The following PBX1 variants were observed in gnomAD, a reference collection of about 807,000 sequenced individuals.
The protein encoded by PBX1 is pre-B-cell leukemia transcription factor 1.
PBX1 carries 6 observed loss-of-function variants against 53.4 expected under a neutral mutation model. The observed-to-expected ratio is 0.11, with a 90% CI of 0.06 to 0.22. The LOEUF is 0.22. PBX1 is among the 10% of genes least tolerant of loss of function. The probability of loss-of-function intolerance (pLI) is 1.00; values close to 1 mark genes in which losing one functional copy is unlikely to be tolerated. For missense variants in PBX1, 251 were observed against 551.4 expected, an observed-to-expected ratio of 0.46 and a Z score of 5.46; for synonymous variants, 204 against 212.3, an observed-to-expected ratio of 0.96 and a Z score of 0.34.
chr1:164,618,904 T>C (rs1657484037), intron 2 of PBX1, among the ~76,000 whole-genome samples: 1 of 152,222 alleles, frequency 6.6e-6, no homozygotes, highest in Non-Finnish European at 1.5e-5. Flanking sequence ...TACCTAATTA[T>C]GAATATTGAA....
intron 2 of PBX1, among the ~76,000 whole-genome samples, chr1:164,778,076 G>C (rs542236773): frequency 2.6e-5 from 4 of 152,090 alleles, no homozygotes; most frequent in Non-Finnish European, 5.9e-5. Flanking sequence ...TAGGGAGGTG[G>C]CCCCATAATT....
intron 2 of PBX1, among the ~76,000 whole-genome samples, chr1:164,743,560 T>C (rs1346574014): frequency 6.6e-6 from 1 of 152,176 alleles, no homozygotes; most frequent in Non-Finnish European, 1.5e-5. Flanking sequence ...GTTTCCAAAA[T>C]TGATGCTAAG....
In PBX1 at chr1:164,712,926, C is replaced by T. The variant is rs144322003; in HGVS notation, c.266-79568C>T. 3.7e-3 allele frequency among the ~76,000 whole-genome samples: 557 copies of T among 152,298 alleles called. 5 individuals carry two copies. The highest frequency in any genetic ancestry group is 4.8e-3 in the Non-Finnish European group (325 of 68,036). On this transcript the variant is annotated intron_variant, in intron 2 of 8. Coordinates refer to ENST00000420696, the MANE Select transcript of PBX1 (RefSeq NM_002585.4). Reference sequence around the variant, plus strand: ...TCTGTCTAAATCCATTTTGCCTGGACGACGACTTCATGGCATCCCTCCAGA... The same window carrying T: ...TCTGTCTAAATCCATTTTGCCTGGATGACGACTTCATGGCATCCCTCCAGA...
At chr1:164,572,965 C>T (rs1653974862) in intron 2 of PBX1, among the ~76,000 whole-genome samples, 2 of 152,160 alleles carry the variant, frequency 1.3e-5, no homozygotes, top group South Asian at 4.2e-4. Context: ...ATAAAAGTCT[C>T]GGGCAAAACG....
chr1:164,673,104 G>A (rs1403989193), intron 2 of PBX1, among the ~76,000 whole-genome samples: 2 of 152,106 alleles, frequency 1.3e-5, no homozygotes, highest in East Asian at 3.9e-4. Context: ...AGGGATTCCA[G>A]CAAACCTGTT....
At chr1:164,797,538 C>T (rs1285983995) in intron 3 of PBX1, among the ~76,000 whole-genome samples, 1 of 151,974 alleles carries the variant, frequency 6.6e-6, no homozygotes, top group Non-Finnish European at 1.5e-5. Flanking sequence ...AGCACTTTTC[C>T]ATGGAGAGTG....
At chr1:164,799,628 T>C (rs1468915709) in intron 3 of PBX1, 71 bp from the exon 4 acceptor site, 7 of 1,414,966 alleles carry the variant, frequency 4.9e-6, no homozygotes, top group Non-Finnish European at 6.8e-6. Context: ...CCACGTGGCC[T>C]AATGTCATAG....
intron 2 of PBX1, among the ~76,000 whole-genome samples, chr1:164,632,813 TG>T (rs1394136117): frequency 3.9e-5 from 6 of 152,092 alleles, no homozygotes; most frequent in Non-Finnish European, 5.9e-5. Context: ...AGTTTGATGT[TG>T]GTTGAGCAGT....
At chr1:164,723,202 A>G (rs1329174000) in intron 2 of PBX1, among the ~76,000 whole-genome samples, 1 of 152,174 alleles carries the variant, frequency 6.6e-6, no homozygotes, top group African/African-American at 2.4e-5. Flanking sequence ...TACTGGACAT[A>G]TTGGACACTC....
At chr1:164,652,903 T>C (rs965759742) in intron 2 of PBX1, among the ~76,000 whole-genome samples, 1 of 150,110 alleles carries the variant, frequency 6.7e-6, no homozygotes, top group African/African-American at 2.5e-5. Context: ...AGAGTCTCAC[T>C]CTGTCGCTCA....
chr1:164,789,822 G>T (rs1668401284), intron 2 of PBX1, among the ~76,000 whole-genome samples: 1 of 152,174 alleles, frequency 6.6e-6, no homozygotes, highest in African/African-American at 2.4e-5. Context: ...TGCCAGCCGT[G>T]GGGGCTTACG....
chr1:164,683,299 G>C (rs1661898253), intron 2 of PBX1: 1 of 152,148 alleles, frequency 6.6e-6, no homozygotes, highest in South Asian at 2.1e-4. Flanking sequence ...AAATTGCAAG[G>C]AATTTGCCTA....
chr1:164,649,495 A>G (rs1659660818), intron 2 of PBX1, among the ~76,000 whole-genome samples: 1 of 152,032 alleles, frequency 6.6e-6, no homozygotes, highest in Non-Finnish European at 1.5e-5. Context: ...AATGCCCTAA[A>G]TCTATCAGTT....
intron 2 of PBX1, among the ~76,000 whole-genome samples, chr1:164,679,595 A>G (rs1159292717): frequency 6.6e-6 from 1 of 152,222 alleles, no homozygotes; most frequent in Non-Finnish European, 1.5e-5. Flanking sequence ...AACTACAACA[A>G]TAAATCCAAG....
At chr1:164,729,448 A>G (rs1319624591) in intron 2 of PBX1, among the ~76,000 whole-genome samples, 3 of 152,172 alleles carry the variant, frequency 2.0e-5, no homozygotes, top group Non-Finnish European at 4.4e-5. Context: ...AACTTTTAAT[A>G]TGGATATCAA....
intron 2 of PBX1, among the ~76,000 whole-genome samples, chr1:164,863,013 C>G (rs1368387634): frequency 1.3e-5 from 2 of 152,176 alleles, no homozygotes; most frequent in Admixed American, 6.5e-5. Flanking sequence ...TTTGCTAATG[C>G]TCTGTCTTCC....
At chr1:164,842,878 T>A (rs1024050808) in intron 8 of PBX1, among the ~76,000 whole-genome samples, 3 of 151,956 alleles carry the variant, frequency 2.0e-5, no homozygotes, top group Non-Finnish European at 2.9e-5. Flanking sequence ...AGAAAAAAAA[T>A]AAAAATAAAA....
At chr1:164,761,208 A>T (rs1666795073) in intron 2 of PBX1, among the ~76,000 whole-genome samples, 1 of 152,236 alleles carries the variant, frequency 6.6e-6, no homozygotes, top group South Asian at 2.1e-4. Context: ...TCCTCACAGT[A>T]AGATGTGTCT....
intron 2 of PBX1, among the ~76,000 whole-genome samples, chr1:164,563,618 A>G (rs1476321081): frequency 6.6e-6 from 1 of 152,230 alleles, no homozygotes; most frequent in Non-Finnish European, 1.5e-5. Flanking sequence ...GGGCAAAAAT[A>G]TGAAAGTAAA....
Sources: allele counts gnomAD v4.1 joint callset (sites outside exome capture counted in the v4.1 genomes callset), GRCh38; gene constraint gnomAD v4.1.1; transcripts MANE v1.5; gene names NCBI Gene and HGNC (gene_info 2026-07-23, HGNC 2026-07-21).